The following SCMH1 variants were observed in gnomAD, a reference collection of about 807,000 sequenced individuals.
SCMH1 encodes polycomb protein SCMH1.
A neutral mutation model predicts 70.8 loss-of-function variants in SCMH1; 37 were observed. That is an observed-to-expected ratio of 0.52 (90% CI 0.40 to 0.69). The LOEUF (loss-of-function observed/expected upper bound fraction) is 0.69. SCMH1 is among the 30% of genes least tolerant of loss of function. SCMH1 has a pLI of 0.00. For missense variants in SCMH1, 607 were observed against 827.3 expected (o/e 0.73, Z 3.27); for synonymous variants, 292 against 307.4 (o/e 0.95, Z 0.52).
intron 5 of SCMH1, among the ~76,000 whole-genome samples, chr1:41,144,031 G>T (rs897104784): frequency 1.3e-5 from 2 of 152,096 alleles, no homozygotes; most frequent in East Asian, 3.9e-4. Flanking sequence ...TTTTGTGTAG[G>T]GAAATACACT....
Position 41,046,029 on chromosome 1 carries a change from T to C in SCMH1, c.1498+378A>G, listed in dbSNP as rs147604651. On this transcript the variant is annotated intron_variant, in intron 12 of 14. Transcript: ENST00000337495. ...AATTTCTCAATCTGTAGCCTGAGAC[T>C]AAACCTTCCTGCTGGCAAGGGAGAT... is the stretch of plus-strand genomic sequence containing the variant. 2.3e-3 allele frequency among the ~76,000 whole-genome samples: 353 copies of C among 152,240 alleles called. 4 individuals carry two copies. The highest frequency in any genetic ancestry group is 8.1e-3 in the African/African-American group (336 of 41,542).
chr1:41,219,192 A>G (rs1467972821), intron 1 of SCMH1, among the ~76,000 whole-genome samples: 3 of 152,190 alleles, frequency 2.0e-5, no homozygotes, highest in Non-Finnish European at 2.9e-5. Flanking sequence ...CCCCAATTCC[A>G]TGGAAGGAGG....
chr1:41,216,615 C>T (rs1400242780), intron 1 of SCMH1, among the ~76,000 whole-genome samples: 1 of 152,198 alleles, frequency 6.6e-6, no homozygotes, highest in Non-Finnish European at 1.5e-5. Context: ...TAAGGCTGAT[C>T]TCTTGAGATA....
chr1:41,067,398 C>T (rs1166943132), intron 10 of SCMH1, among the ~76,000 whole-genome samples: 6 of 145,798 alleles, frequency 4.1e-5, no homozygotes, highest in African/African-American at 1.0e-4. Context: ...GAGCTGAGAT[C>T]GCGCCACTGC....
intron 11 of SCMH1, among the ~76,000 whole-genome samples, chr1:41,048,024 G>C (rs748754909): frequency 6.6e-6 from 1 of 152,132 alleles, no homozygotes; most frequent in Admixed American, 6.5e-5. Context: ...ATTACAACCT[G>C]CTAGGGAGGA....
At chr1:41,090,338 A>G (rs1320834597) in intron 8 of SCMH1, among the ~76,000 whole-genome samples, 1 of 152,182 alleles carries the variant, frequency 6.6e-6, no homozygotes, top group Non-Finnish European at 1.5e-5. Flanking sequence ...ATATTTTTGC[A>G]AATCTCTTCA....
chr1:41,124,906 AG>A (rs527354145), intron 6 of SCMH1, among the ~76,000 whole-genome samples: 5 of 152,080 alleles, frequency 3.3e-5, no homozygotes, highest in Non-Finnish European at 7.4e-5. Flanking sequence ...GGCCTGCTAA[AG>A]AGATTTGATA....
chr1:41,111,786 A>G (rs1669308135), intron 8 of SCMH1, among the ~76,000 whole-genome samples: 1 of 152,150 alleles, frequency 6.6e-6, no homozygotes, highest in Admixed American at 6.6e-5. Context: ...TCCTTGGATG[A>G]CTCCTTCTCA....
At chr1:41,200,459 G>A (rs553441744) in intron 1 of SCMH1, among the ~76,000 whole-genome samples, 8 of 150,656 alleles carry the variant, frequency 5.3e-5, no homozygotes, top group South Asian at 4.2e-4. Context: ...CAGCCTGAGC[G>A]AGAGCAAAAC....
intron 2 of SCMH1, chr1:41,163,061 TG>T (rs1454729416): frequency 6.6e-6 from 1 of 152,254 alleles, no homozygotes; most frequent in Non-Finnish European, 1.5e-5. Flanking sequence ...TGCAGCCCTT[TG>T]GGGAGCCCAG....
intron 6 of SCMH1, among the ~76,000 whole-genome samples, chr1:41,141,235 A>G (rs1644043581): frequency 6.6e-6 from 1 of 152,268 alleles, no homozygotes; most frequent in Admixed American, 6.5e-5. Context: ...GCAGCAAACT[A>G]CAGTTGGCAG....
chr1:41,033,368 G>A (rs1644824956), intron 13 of SCMH1, among the ~76,000 whole-genome samples: 1 of 151,778 alleles, frequency 6.6e-6, no homozygotes, highest in South Asian at 2.1e-4. Flanking sequence ...GTGGTAAAAA[G>A]GTGACCTGAT....
At chr1:41,226,399 G>C (rs973084337) in intron 1 of SCMH1, among the ~76,000 whole-genome samples, 1 of 151,930 alleles carries the variant, frequency 6.6e-6, no homozygotes, top group Admixed American at 6.6e-5. Flanking sequence ...CAAATATAAA[G>C]CATAAGCAAT....
At chr1:41,048,975 C>A (rs1472832399) in intron 10 of SCMH1, 85 bp from the exon 11 acceptor site, 2 of 1,265,454 alleles carry the variant, frequency 1.6e-6, no homozygotes, top group African/African-American at 1.5e-5. Flanking sequence ...ATCTTTTATA[C>A]CTTGGCCTCT....
At chr1:41,151,375 T>C (rs569006702) in intron 5 of SCMH1, among the ~76,000 whole-genome samples, 4 of 152,300 alleles carry the variant, frequency 2.6e-5, no homozygotes, top group African/African-American at 9.6e-5. Flanking sequence ...ACACAGAATA[T>C]CCTCAAGGAG....
At chr1:41,063,963 C>T (rs1036710417) in intron 10 of SCMH1, among the ~76,000 whole-genome samples, 19 of 152,244 alleles carry the variant, frequency 1.2e-4, no homozygotes, top group Middle Eastern at 6.8e-3. Context: ...GGAATATTTT[C>T]TAACTTATTT....
At chr1:41,132,707 T>C (rs1445928359) in intron 6 of SCMH1, among the ~76,000 whole-genome samples, 1 of 152,188 alleles carries the variant, frequency 6.6e-6, no homozygotes, top group Non-Finnish European at 1.5e-5. Context: ...TAATCCATCT[T>C]GAGTTAATTT....
At chr1:41,133,110 T>C (rs1184186145) in intron 6 of SCMH1, among the ~76,000 whole-genome samples, 1 of 152,226 alleles carries the variant, frequency 6.6e-6, no homozygotes, top group Non-Finnish European at 1.5e-5. Flanking sequence ...GGGATAGCAC[T>C]GAACCTATAA....
intron 8 of SCMH1, among the ~76,000 whole-genome samples, chr1:41,087,738 G>T (rs1202850581): frequency 6.6e-6 from 1 of 151,984 alleles, no homozygotes; most frequent in African/African-American, 2.4e-5. Flanking sequence ...CTGTGGAAGG[G>T]AATTTGGCAG....
Sources: allele counts gnomAD v4.1 joint callset (sites outside exome capture counted in the v4.1 genomes callset), GRCh38; gene constraint gnomAD v4.1.1; transcripts MANE v1.5; gene names NCBI Gene and HGNC (gene_info 2026-07-23, HGNC 2026-07-21).